CFAP95: variants seen among roughly 807,000 people sequenced by gnomAD.
The protein encoded by CFAP95 is cilia and flagella associated protein 95, also known as cilia- and flagella-associated protein 95.
the CFAP95 span, among the ~76,000 whole-genome samples, chr9:69,891,892 C>G: frequency 6.6e-6 from 1 of 151,716 alleles, no homozygotes; most frequent in African/African-American, 2.4e-5. Context: ...TTTTTTAATC[C>G]CCCACTGGGA....
At chr9:69,823,374 C>T in the CFAP95 span, among the ~76,000 whole-genome samples, 2 of 152,168 alleles carry the variant, frequency 1.3e-5, no homozygotes, top group East Asian at 1.9e-4. Flanking sequence ...GGTGGGGACA[C>T]AGAGTCAAAC....
chr9:69,862,076 AT>A, the CFAP95 span, among the ~76,000 whole-genome samples: 10 of 152,162 alleles, frequency 6.6e-5, no homozygotes, highest in Admixed American at 5.9e-4. Context: ...GACTATCACA[AT>A]TCTGTCCCCA....
chr9:69,821,669 G>A, the CFAP95 span, among the ~76,000 whole-genome samples: 2 of 152,050 alleles, frequency 1.3e-5, no homozygotes, highest in Non-Finnish European at 2.9e-5. Context: ...GAACTTTTCT[G>A]GCCAGAGACT....
the CFAP95 span, among the ~76,000 whole-genome samples, chr9:69,847,147 AC>A: frequency 6.6e-6 from 1 of 152,174 alleles, no homozygotes; most frequent in Non-Finnish European, 1.5e-5. Flanking sequence ...CTTGCCTAAG[AC>A]TTTTATTAAA....
the CFAP95 span, among the ~76,000 whole-genome samples, chr9:69,842,035 G>T: frequency 6.6e-6 from 1 of 152,326 alleles, no homozygotes; most frequent in African/African-American, 2.4e-5. Context: ...TTTCAGAACT[G>T]CTGAAGATTG....
chr9:69,844,507 T>G, the CFAP95 span: 1 of 1,573,498 alleles, frequency 6.4e-7, no homozygotes, highest in Non-Finnish European at 8.6e-7. Flanking sequence ...ACTCCTAATT[T>G]TTTCTTAAGG....
At chr9:69,822,709 C>A in the CFAP95 span, among the ~76,000 whole-genome samples, 1 of 152,194 alleles carries the variant, frequency 6.6e-6, no homozygotes, top group African/African-American at 2.4e-5. Context: ...ACATCAATAG[C>A]AAAACCACAG....
At chr9:69,891,744 C>G in the CFAP95 span, among the ~76,000 whole-genome samples, 2 of 152,166 alleles carry the variant, frequency 1.3e-5, no homozygotes, top group Non-Finnish European at 2.9e-5. Flanking sequence ...TTTCTCCCCT[C>G]TTTTACGCAG....
chr9:69,856,097 A>G, the CFAP95 span, among the ~76,000 whole-genome samples: 1 of 152,256 alleles, frequency 6.6e-6, no homozygotes, highest in East Asian at 1.9e-4. Flanking sequence ...TAGTTTGAAG[A>G]TTTTTCCACA....
At chr9:69,885,893 A>G in the CFAP95 span, among the ~76,000 whole-genome samples, 1 of 152,202 alleles carries the variant, frequency 6.6e-6, no homozygotes, top group African/African-American at 2.4e-5. Flanking sequence ...GTGGTGCTAA[A>G]TTGGAAGTAC....
chr9:69,882,292 T>C, the CFAP95 span, among the ~76,000 whole-genome samples: 1 of 152,298 alleles, frequency 6.6e-6, no homozygotes, highest in African/African-American at 2.4e-5. Context: ...GATTTTTGTA[T>C]GTTGATTTTG....
chr9:69,827,947 C>T, the CFAP95 span, among the ~76,000 whole-genome samples: 1 of 152,138 alleles, frequency 6.6e-6, no homozygotes, highest in Non-Finnish European at 1.5e-5. Context: ...CATGGTTTGC[C>T]CAGGATGGTT....
the CFAP95 span, among the ~76,000 whole-genome samples, chr9:69,865,846 T>C: frequency 6.6e-6 from 1 of 152,210 alleles, no homozygotes; most frequent in Non-Finnish European, 1.5e-5. Context: ...AAGTACATGA[T>C]GCTTATTATG....
chr9:69,823,208 G>A, the CFAP95 span, among the ~76,000 whole-genome samples: 11 of 152,242 alleles, frequency 7.2e-5, no homozygotes, highest in East Asian at 1.2e-3. Flanking sequence ...GAGGAACTTC[G>A]AAACGCTGAT....
chr9:69,835,409 T>C, the CFAP95 span, among the ~76,000 whole-genome samples: 2 of 152,210 alleles, frequency 1.3e-5, no homozygotes, highest in Non-Finnish European at 2.9e-5. Flanking sequence ...GTTATGCATA[T>C]GTATGTTGAA....
At chr9:69,874,086 TC>T in the CFAP95 span, among the ~76,000 whole-genome samples, 2 of 152,138 alleles carry the variant, frequency 1.3e-5, no homozygotes, top group Non-Finnish European at 2.9e-5. Flanking sequence ...CCACCTAAAT[TC>T]CCGGCATCCT....
the CFAP95 span, among the ~76,000 whole-genome samples, chr9:69,900,004 C>T: frequency 3.9e-5 from 6 of 152,282 alleles, no homozygotes; most frequent in South Asian, 2.1e-4. Context: ...CCCTGACTTA[C>T]GATGGTTCAA....
the CFAP95 span, among the ~76,000 whole-genome samples, chr9:69,867,116 G>A: frequency 6.6e-6 from 1 of 152,344 alleles, no homozygotes; most frequent in East Asian, 1.9e-4. Context: ...GTTAGTATTT[G>A]GGGTTGTGAC....
At chr9:69,865,263 C>A in the CFAP95 span, among the ~76,000 whole-genome samples, 1 of 152,150 alleles carries the variant, frequency 6.6e-6, no homozygotes, top group African/African-American at 2.4e-5. Flanking sequence ...AACCTCTTTT[C>A]TTTATAAATT....
Sources: allele counts gnomAD v4.1 joint callset (sites outside exome capture counted in the v4.1 genomes callset), GRCh38; gene constraint gnomAD v4.1.1; transcripts MANE v1.5; gene names NCBI Gene and HGNC (gene_info 2026-07-23, HGNC 2026-07-21).